CDH13: variants seen among roughly 807,000 people sequenced by gnomAD.
CDH13 encodes cadherin 13.
CDH13 carries 24 observed loss-of-function variants against 63.8 expected under a neutral mutation model. The observed-to-expected ratio is 0.38, with a 90% CI of 0.27 to 0.53. The LOEUF is 0.53. Among genes scored for constraint, CDH13 ranks in the 20% least tolerant of loss-of-function variants. The probability of loss-of-function intolerance (pLI) is 0.85; values close to 1 mark genes in which losing one functional copy is unlikely to be tolerated. For synonymous variants in CDH13, 503 were observed against 355.3 expected (o/e 1.42, Z -4.67); for missense variants, 1,049 against 903.1 (o/e 1.16, Z -2.07).
At chr16:83,217,599 G>A (rs1026751426) in intron 5 of CDH13, 102 bp downstream of exon 5, 67 of 1,234,036 alleles carry the variant, frequency 5.4e-5, no homozygotes, top group African/African-American at 7.5e-5. Context: ...CATCAAACCC[G>A]GGACTGCATG....
chr16:82,852,412 A>T (rs1372781385), intron 1 of CDH13, among the ~76,000 whole-genome samples: 1 of 152,086 alleles, frequency 6.6e-6, no homozygotes, highest in African/African-American at 2.4e-5. Context: ...GGCTCTTTCT[A>T]TTGGATGACT....
intron 6 of CDH13, among the ~76,000 whole-genome samples, chr16:83,424,044 C>T (rs901826324): frequency 6.6e-6 from 1 of 151,718 alleles, no homozygotes; most frequent in African/African-American, 2.4e-5. Context: ...GGAAATCCAA[C>T]ACGTACTGAA....
At chr16:82,858,246 A>T (rs2039783273) in intron 1 of CDH13, 116 bp from the exon 2 acceptor site, 1 of 654,906 alleles carries the variant, frequency 1.5e-6, no homozygotes, top group African/African-American at 1.8e-5. Context: ...TTACCTCTTC[A>T]TTTGGGAAAT....
chr16:83,275,457 G>A (rs887383353), intron 5 of CDH13, among the ~76,000 whole-genome samples: 1 of 152,178 alleles, frequency 6.6e-6, no homozygotes, highest in Non-Finnish European at 1.5e-5. Flanking sequence ...AAAGAAGACA[G>A]CACTGACATT....
At chr16:83,013,896 G>C (rs979327494) in intron 2 of CDH13, among the ~76,000 whole-genome samples, 1 of 152,146 alleles carries the variant, frequency 6.6e-6, no homozygotes, top group Non-Finnish European at 1.5e-5. Flanking sequence ...TGAGTTTCCT[G>C]TTGGAAATTG....
At chr16:82,724,854 C>A (rs2033001439) in intron 1 of CDH13, among the ~76,000 whole-genome samples, 1 of 152,176 alleles carries the variant, frequency 6.6e-6, no homozygotes, top group African/African-American at 2.4e-5. Flanking sequence ...CGTACACCCT[C>A]AGTCTTCCAG....
At chr16:82,952,194 C>T (rs915439406) in intron 2 of CDH13, among the ~76,000 whole-genome samples, 1 of 152,198 alleles carries the variant, frequency 6.6e-6, no homozygotes, top group African/African-American at 2.4e-5. Flanking sequence ...AACAGGAGAA[C>T]GTGGGTGCTG....
At chr16:82,827,808 T>C (rs989756190) in intron 1 of CDH13, among the ~76,000 whole-genome samples, 1 of 152,154 alleles carries the variant, frequency 6.6e-6, no homozygotes, top group African/African-American at 2.4e-5. Flanking sequence ...GGGAAAATAG[T>C]AGTGAGATTT....
intron 4 of CDH13, among the ~76,000 whole-genome samples, chr16:83,177,050 A>G (rs564609682): frequency 2.6e-5 from 4 of 152,176 alleles, no homozygotes; most frequent in African/African-American, 9.7e-5. Context: ...CACATCCAGT[A>G]TGATAAGCAC....
chr16:83,377,939 C>T (rs146224321), intron 6 of CDH13, among the ~76,000 whole-genome samples: 2 of 152,124 alleles, frequency 1.3e-5, no homozygotes, highest in Non-Finnish European at 2.9e-5. Flanking sequence ...AAGAAGCAGA[C>T]CATTGAGGTC....
At chr16:82,899,827 G>T (rs907505277) in intron 2 of CDH13, among the ~76,000 whole-genome samples, 2 of 152,178 alleles carry the variant, frequency 1.3e-5, no homozygotes, top group Non-Finnish European at 2.9e-5. Flanking sequence ...TAATGGGATT[G>T]AGAAGTAGAG....
intron 2 of CDH13, among the ~76,000 whole-genome samples, chr16:82,961,904 A>G (rs9932639): frequency 0.37 from 56,623 of 152,012 alleles, 11,226 homozygotes; most frequent in East Asian, 0.6. Flanking sequence ...GCACTAGACA[A>G]CCTCCACCAC....
chr16:83,751,440 A>T (rs1038981003), intron 11 of CDH13, among the ~76,000 whole-genome samples: 2 of 141,330 alleles, frequency 1.4e-5, no homozygotes, highest in East Asian at 2.0e-4. Context: ...ACTAAAAAAA[A>T]AATATACCTC....
At chr16:83,084,385 T>C (rs4238728) in intron 3 of CDH13, among the ~76,000 whole-genome samples, 1 of 151,950 alleles carries the variant, frequency 6.6e-6, no homozygotes, top group Non-Finnish European at 1.5e-5. Flanking sequence ...CTTCTCTTTG[T>C]GGTTTAAATG....
At chr16:83,447,053 T>TA (rs56692922) in intron 6 of CDH13, among the ~76,000 whole-genome samples, 1,420 of 64,224 alleles carry the variant, frequency 0.022, 62 homozygotes, top group South Asian at 0.033. Flanking sequence ...TCACCCGTCT[T>TA]AAAAAAAAAA....
chr16:83,560,776 T>C (rs1405002267), intron 7 of CDH13, among the ~76,000 whole-genome samples: 1 of 151,740 alleles, frequency 6.6e-6, no homozygotes, highest in Admixed American at 6.6e-5. Flanking sequence ...TATTCCAAAT[T>C]CCCAAGAGAT....
intron 3 of CDH13, among the ~76,000 whole-genome samples, chr16:83,095,052 C>G (rs7190073): frequency 0.4 from 60,551 of 151,862 alleles, 12,825 homozygotes; most frequent in Middle Eastern, 0.58. Context: ...TAGAAAAATC[C>G]CACTCTTCCT....
rs545537421 is a variant in CDH13, at chr16:83,575,136, G to A, written c.961-27318G>A. On this transcript the variant is annotated intron_variant, in intron 7 of 13. Coordinates refer to ENST00000567109, the MANE Select transcript of CDH13 (RefSeq NM_001257.5). ...CACCTGGCTTGTGGAACTTTGTTCCGGCAGCCATGGAAAATGAAGGCAGAT... is the reference window on the plus strand; with the variant it reads ...CACCTGGCTTGTGGAACTTTGTTCCAGCAGCCATGGAAAATGAAGGCAGAT... Among the ~76,000 whole-genome samples the A allele has an allele frequency of 5.3e-5, 8 of 152,236 alleles. No homozygotes were observed. The East Asian group carries it at 7.7e-4, about 15-fold the overall frequency.
intron 1 of CDH13, among the ~76,000 whole-genome samples, chr16:82,698,354 C>G (rs778361536): frequency 2.6e-5 from 4 of 152,330 alleles, no homozygotes; most frequent in Middle Eastern, 6.8e-3. Flanking sequence ...CCTGGGTACT[C>G]TCTGTAGATG....
Sources: gnomAD v4.1 joint callset for allele counts (sites outside exome capture counted in the v4.1 genomes callset) on GRCh38, gnomAD v4.1.1 for gene constraint, MANE v1.5 for transcripts, NCBI Gene and HGNC (gene_info 2026-07-23, HGNC 2026-07-21) for gene names.